The following ATP1B3 variants were observed in gnomAD, a reference collection of about 807,000 sequenced individuals.
ATP1B3 encodes the protein sodium/potassium-transporting ATPase subunit beta-3.
A neutral mutation model predicts 30.2 loss-of-function variants in ATP1B3; 10 were observed. That is an observed-to-expected ratio of 0.33 (90% CI 0.20 to 0.56). The LOEUF is 0.56. Ranked by LOEUF, ATP1B3 falls within the 20% of genes least tolerant of loss-of-function variation. ATP1B3 has a pLI of 0.90. For synonymous variants in ATP1B3, 113 were observed against 117.0 expected, an observed-to-expected ratio of 0.97 and a Z score of 0.22; for missense variants, 238 against 336.7, an observed-to-expected ratio of 0.71 and a Z score of 2.29.
At chr3:141,908,880 A>G (rs1181853790) in intron 3 of ATP1B3, among the ~76,000 whole-genome samples, 1 of 152,158 alleles carries the variant, frequency 6.6e-6, no homozygotes, top group Non-Finnish European at 1.5e-5. Flanking sequence ...ACAAATCTAC[A>G]ATGGCAGCCA....
intron 6 of ATP1B3, among the ~76,000 whole-genome samples, chr3:141,924,771 A>G (rs1934624917): frequency 6.6e-6 from 1 of 152,118 alleles, no homozygotes; most frequent in African/African-American, 2.4e-5. Flanking sequence ...CCTGGCCAAC[A>G]TGGTGAAACC....
At chr3:141,892,671 A>C (rs1405854041) in intron 1 of ATP1B3, among the ~76,000 whole-genome samples, 2 of 142,454 alleles carry the variant, frequency 1.4e-5, no homozygotes, top group Non-Finnish European at 3.2e-5. Flanking sequence ...AAAAAAAAAA[A>C]AAAAACAGTT....
At chr3:141,880,351 G>A (rs916926740) in intron 1 of ATP1B3, among the ~76,000 whole-genome samples, 3 of 152,254 alleles carry the variant, frequency 2.0e-5, no homozygotes, top group Middle Eastern at 3.4e-3. Flanking sequence ...TCACAGTAAC[G>A]TAAAGCCAAC....
At chr3:141,900,443 A>G (rs1273647728) in intron 1 of ATP1B3, among the ~76,000 whole-genome samples, 1 of 152,216 alleles carries the variant, frequency 6.6e-6, no homozygotes, top group Non-Finnish European at 1.5e-5. Flanking sequence ...CTTGCCTCCC[A>G]GACCCCATTC....
intron 2 of ATP1B3, among the ~76,000 whole-genome samples, chr3:141,906,738 G>A (rs1934272251): frequency 6.6e-6 from 1 of 152,190 alleles, no homozygotes; most frequent in South Asian, 2.1e-4. Flanking sequence ...AAAGGAGTTA[G>A]CTGTCTTATG....
chr3:141,877,077 C>T (rs1268424918), intron 1 of ATP1B3, among the ~76,000 whole-genome samples, 167 bp downstream of exon 1: 1 of 151,210 alleles, frequency 6.6e-6, no homozygotes, highest in Non-Finnish European at 1.5e-5. Flanking sequence ...TCATTGCTCC[C>T]CGGGCCGGCC....
chr3:141,889,989 T>C (rs2107766455), intron 1 of ATP1B3, among the ~76,000 whole-genome samples: 1 of 150,946 alleles, frequency 6.6e-6, no homozygotes, highest in South Asian at 2.1e-4. Context: ...GATAGGATGC[T>C]GGTATCTATC....
At chr3:141,897,318 T>C (rs1934086012) in intron 1 of ATP1B3, among the ~76,000 whole-genome samples, 1 of 152,232 alleles carries the variant, frequency 6.6e-6, no homozygotes, top group Admixed American at 6.5e-5. Context: ...TTGTTTTTTT[T>C]CCTAGCATCC....
intron 1 of ATP1B3, among the ~76,000 whole-genome samples, chr3:141,898,338 A>G (rs1934105568): frequency 6.6e-6 from 1 of 152,244 alleles, no homozygotes; most frequent in Non-Finnish European, 1.5e-5. Context: ...ATGGGAGAAA[A>G]TAATTGCACA....
chr3:141,913,878 T>C (rs1370602702), intron 4 of ATP1B3, 42 bp downstream of exon 4: 2 of 1,538,298 alleles, frequency 1.3e-6, no homozygotes, highest in African/African-American at 2.8e-5. Flanking sequence ...TTTTCTAATA[T>C]TCTCTTTTAA....
chr3:141,922,320 T>C (rs762618217), intron 6 of ATP1B3: 1 of 304,640 alleles, frequency 3.3e-6, no homozygotes, highest in South Asian at 3.6e-5. Context: ...ATAGAGGTAG[T>C]AGTAGGTGCT....
At chr3:141,911,385 G>A (rs1222256864) in intron 3 of ATP1B3, among the ~76,000 whole-genome samples, 1 of 151,520 alleles carries the variant, frequency 6.6e-6, no homozygotes, top group African/African-American at 2.4e-5. Flanking sequence ...AAAAAATAAT[G>A]TCTTCTCTAT....
chr3:141,911,643 C>T (rs1008604700), intron 3 of ATP1B3, among the ~76,000 whole-genome samples: 5 of 151,996 alleles, frequency 3.3e-5, no homozygotes, highest in African/African-American at 1.2e-4. Flanking sequence ...TACAGGCTTG[C>T]GCCACCACAC....
chr3:141,922,747 C>CCT (rs1378035735), intron 6 of ATP1B3, among the ~76,000 whole-genome samples: 2 of 151,498 alleles, frequency 1.3e-5, no homozygotes, highest in African/African-American at 4.8e-5. Flanking sequence ...GGGCAGATCA[C>CCT]GAGGTCAGGA....
intron 1 of ATP1B3, among the ~76,000 whole-genome samples, chr3:141,879,454 A>G (rs1443476725): frequency 6.6e-6 from 1 of 151,780 alleles, no homozygotes; most frequent in African/African-American, 2.4e-5. Context: ...GGCTATTTTT[A>G]CCTGTGTTAT....
At chr3:141,904,087 G>A (rs528032651) in intron 2 of ATP1B3, among the ~76,000 whole-genome samples, 1 of 152,242 alleles carries the variant, frequency 6.6e-6, no homozygotes, top group African/African-American at 2.4e-5. Flanking sequence ...GCCTGGCAGT[G>A]GTTACGGCTT....
chr3:141,925,931 C>T lies in ATP1B3; in HGVS notation c.*230C>T, dbSNP rs562577490. 5.0e-5 allele frequency: 23 copies of T among 459,898 alleles called. No individual in the cohort carries two copies. Among genetic ancestry groups the T allele is most frequent in the Admixed American group, 7.8e-5 (2 of 25,494 alleles). 28.5% of individuals were successfully genotyped at this position (459,898 alleles called of 1,614,324 possible). On this transcript the variant is annotated 3_prime_UTR_variant, in exon 7 of 7. Coordinates refer to ENST00000286371, the MANE Select transcript of ATP1B3 (RefSeq NM_001679.4). ...CAGTGTACAGTCGCCAGATAGGGAC[C>T]GGTGAACACCTGATTCCAAACATGT...
Position 141,925,557 on chromosome 3 carries a change from T to A in ATP1B3, c.696T>A (p.Ala232=). Residue 232 remains alanine, a synonymous_variant, in exon 7 of 7, where the codon GCT becomes GCA. Transcript: ENST00000286371. ...TTGGGTATCTACAGCCATTGGTTGCTGTTCAGGTCAGCTTTGCTCCTAACA... is the reference window on the plus strand; with the variant it reads ...TTGGGTATCTACAGCCATTGGTTGCAGTTCAGGTCAGCTTTGCTCCTAACA... The part of the protein sequence containing the change: ...LHVGYLQPLV[A]VQVSFAPNNT... The A allele has an allele frequency of 6.2e-7, 1 of 1,611,418 alleles. No individual in the cohort carries two copies. Among genetic ancestry groups the A allele is most frequent in the Admixed American group, 1.7e-5 (1 of 59,238 alleles).
At position 141,910,102 on chromosome 3, in the gene ATP1B3, G is replaced by A. The variant is rs754658980; in HGVS notation, c.346+2828G>A. 3.3e-5 allele frequency among the ~76,000 whole-genome samples: 5 copies of A among 152,146 alleles called. 1 individual carries two copies. The highest frequency in any genetic ancestry group is 6.5e-5 in the Admixed American group (1 of 15,268). ...TCCTCCTGCCTCAGCCTCTTGAGTAGTTAGGAATACAGGCTCACATCATCA... is the reference window on the plus strand; with the variant it reads ...TCCTCCTGCCTCAGCCTCTTGAGTAATTAGGAATACAGGCTCACATCATCA... On this transcript the variant is annotated intron_variant, in intron 3 of 6. Transcript: ENST00000286371.
Sources: gnomAD v4.1 joint callset for allele counts (sites outside exome capture counted in the v4.1 genomes callset) on GRCh38, gnomAD v4.1.1 for gene constraint, MANE v1.5 for transcripts, NCBI Gene and HGNC (gene_info 2026-07-23, HGNC 2026-07-21) for gene names.